The following PRKG1 variants were observed in gnomAD, a reference collection of about 807,000 sequenced individuals.
PRKG1 encodes the protein protein kinase cGMP-dependent 1.
PRKG1 carries 35 observed loss-of-function variants against 88.1 expected under a neutral mutation model. That is an observed-to-expected ratio of 0.40 (90% CI 0.30 to 0.53). The LOEUF (loss-of-function observed/expected upper bound fraction) is 0.53, where lower values mean the gene tolerates loss of function less well. Among genes scored for constraint, PRKG1 ranks in the 20% least tolerant of loss-of-function variants. PRKG1 has a pLI of 0.59. For missense variants in PRKG1, 540 were observed against 839.8 expected, an observed-to-expected ratio of 0.64 and a Z score of 4.41; for synonymous variants, 303 against 292.5, an observed-to-expected ratio of 1.04 and a Z score of -0.37.
chr10:51,751,014 T>C (rs1308891152), intron 3 of PRKG1, among the ~76,000 whole-genome samples: 1 of 152,206 alleles, frequency 6.6e-6, no homozygotes, highest in Non-Finnish European at 1.5e-5. Context: ...TTCCACTCTG[T>C]CCCATAATGG....
intron 2 of PRKG1, among the ~76,000 whole-genome samples, chr10:51,401,830 T>C (rs1402974467): frequency 1.3e-5 from 2 of 152,188 alleles, no homozygotes; most frequent in East Asian, 1.9e-4. Context: ...TCTTTCTATA[T>C]GGTGATAAAT....
chr10:52,271,872 C>T (rs1163575611), intron 11 of PRKG1, among the ~76,000 whole-genome samples: 1 of 152,000 alleles, frequency 6.6e-6, no homozygotes, highest in Non-Finnish European at 1.5e-5. Flanking sequence ...GAAATGACAG[C>T]TGACCATTCC....
chr10:51,281,734 T>C (rs7098033), intron 2 of PRKG1, among the ~76,000 whole-genome samples: 69,348 of 151,896 alleles, frequency 0.46, 17,043 homozygotes, highest in African/African-American at 0.64. Context: ...GCCTCCATGG[T>C]AAGGGGTAGG....
rs114128929 is a variant in PRKG1 at position 51,189,584 on chromosome 10, A to G, written c.478+36254A>G. Among the ~76,000 whole-genome samples the G allele has an allele frequency of 4.2e-3, 639 of 152,028 alleles. 2 individuals carry two copies. Among genetic ancestry groups the G allele is most frequent in the African/African-American group, 0.014 (601 of 41,524 alleles). ...AAACACAAAATGCAGAAGTTGCATA[A>G]TAAACTCCTGTGTCCCAGTTGTTTG... is the stretch of plus-strand genomic sequence containing the variant. On this transcript the variant is annotated intron_variant, in intron 2 of 17. Coordinates refer to ENST00000373980, the MANE Select transcript of PRKG1 (RefSeq NM_006258.4).
intron 4 of PRKG1, among the ~76,000 whole-genome samples, chr10:51,887,333 T>A (rs1435721785): frequency 6.6e-6 from 1 of 152,200 alleles, no homozygotes; most frequent in African/African-American, 2.4e-5. Context: ...ACATTTAGAT[T>A]GTTTCCATAT....
intron 1 of PRKG1, among the ~76,000 whole-genome samples, chr10:51,077,770 G>A (rs751388211): frequency 6.6e-6 from 1 of 152,124 alleles, no homozygotes; most frequent in Non-Finnish European, 1.5e-5. Context: ...CTTATGTGAA[G>A]GAAAGAACTG....
At chr10:52,077,231 T>C (rs1478296443) in intron 7 of PRKG1, among the ~76,000 whole-genome samples, 2 of 152,082 alleles carry the variant, frequency 1.3e-5, no homozygotes, top group African/African-American at 2.4e-5. Context: ...GCAATAAAAA[T>C]AGTGAAATAG....
intron 2 of PRKG1, among the ~76,000 whole-genome samples, chr10:51,415,192 G>A (rs949043422): frequency 6.6e-5 from 10 of 152,112 alleles, no homozygotes; most frequent in African/African-American, 1.4e-4. Flanking sequence ...AGTAGCATCC[G>A]TTTAGTGAAT....
chr10:51,167,400 T>C (rs942753570), intron 2 of PRKG1, among the ~76,000 whole-genome samples: 1 of 152,092 alleles, frequency 6.6e-6, no homozygotes, highest in Non-Finnish European at 1.5e-5. Flanking sequence ...GTTGGAATGG[T>C]TGGTAGAGGC....
At position 51,212,794 on chromosome 10, in the gene PRKG1, G is replaced by A. The variant is rs192577084; in HGVS notation, c.478+59464G>A. On this transcript the variant is annotated intron_variant, in intron 2 of 17. Coordinates refer to ENST00000373980, the MANE Select transcript of PRKG1 (RefSeq NM_006258.4). ...ACCATCTCACACCAGTTAGAATGGC[G>A]ATCATTAACAAGTCAGGAAACAACA... 1.3e-3 allele frequency among the ~76,000 whole-genome samples: 198 copies of A among 152,242 alleles called. 1 individual carries two copies. Among genetic ancestry groups the A allele is most frequent in the African/African-American group, 2.0e-3 (83 of 41,556 alleles).
intron 4 of PRKG1, among the ~76,000 whole-genome samples, chr10:51,806,874 A>G (rs181218659): frequency 8.5e-4 from 129 of 152,220 alleles, no homozygotes; most frequent in African/African-American, 2.8e-3. Context: ...TTCACAGCAC[A>G]TTCCCTCTCT....
intron 7 of PRKG1, among the ~76,000 whole-genome samples, chr10:52,072,515 C>T (rs774748228): frequency 5.9e-5 from 9 of 152,240 alleles, no homozygotes; most frequent in Admixed American, 6.5e-5. Flanking sequence ...CTTTTTCCTA[C>T]GGGGCAAGTC....
At chr10:51,545,897 C>G (rs1842434070) in intron 3 of PRKG1, among the ~76,000 whole-genome samples, 1 of 151,906 alleles carries the variant, frequency 6.6e-6, no homozygotes, top group Admixed American at 6.6e-5. Context: ...CACCCCCACC[C>G]AGCACCCCCT....
At chr10:51,086,178 T>C (rs1452343042) in intron 1 of PRKG1, among the ~76,000 whole-genome samples, 1 of 152,226 alleles carries the variant, frequency 6.6e-6, no homozygotes, top group Admixed American at 6.5e-5. Context: ...TGGAAAGCAA[T>C]GGCAAATAAA....
At chr10:52,287,357 G>T (rs1306826260) in intron 14 of PRKG1, among the ~76,000 whole-genome samples, 6 of 151,848 alleles carry the variant, frequency 4.0e-5, no homozygotes, top group African/African-American at 1.2e-4. Flanking sequence ...TAAATAGAAA[G>T]CATTTTTCAC....
At chr10:51,363,247 A>C (rs1842521860) in intron 2 of PRKG1, among the ~76,000 whole-genome samples, 1 of 151,838 alleles carries the variant, frequency 6.6e-6, no homozygotes, top group Admixed American at 6.6e-5. Flanking sequence ...GCACTCCATC[A>C]AAAGTAGATT....
chr10:52,174,122 T>C (rs1421638687), intron 9 of PRKG1, among the ~76,000 whole-genome samples: 1 of 152,004 alleles, frequency 6.6e-6, no homozygotes, highest in Non-Finnish European at 1.5e-5. Context: ...TATTTTTTAT[T>C]TTTTGGTAAA....
intron 2 of PRKG1, among the ~76,000 whole-genome samples, chr10:51,228,747 A>G (rs904054707): frequency 6.6e-6 from 1 of 152,090 alleles, no homozygotes; most frequent in Non-Finnish European, 1.5e-5. Flanking sequence ...TTAAGTAATC[A>G]TTTTCCTCTG....
At chr10:51,843,890 T>C (rs1840339222) in intron 4 of PRKG1, among the ~76,000 whole-genome samples, 1 of 152,188 alleles carries the variant, frequency 6.6e-6, no homozygotes, top group Admixed American at 6.6e-5. Context: ...CGAGCTTCTT[T>C]TTCCATTTGA....
Sources: gnomAD v4.1 joint callset for allele counts (sites outside exome capture counted in the v4.1 genomes callset) on GRCh38, gnomAD v4.1.1 for gene constraint, MANE v1.5 for transcripts, NCBI Gene and HGNC (gene_info 2026-07-23, HGNC 2026-07-21) for gene names.